The following GALNT13 variants were observed in gnomAD, a reference collection of about 807,000 sequenced individuals.
GALNT13 encodes the protein polypeptide N-acetylgalactosaminyltransferase 13, also known as UDP-GalNAc:polypeptide N-acetylgalactosaminyltransferase 13.
Under a neutral mutation model 64.2 loss-of-function variants are expected in GALNT13, and 28 were observed. That is an observed-to-expected ratio of 0.44 (90% CI 0.32 to 0.60). The LOEUF (loss-of-function observed/expected upper bound fraction) is 0.60, where lower values mean the gene tolerates loss of function less well. Among genes scored for constraint, GALNT13 ranks in the 20% least tolerant of loss-of-function variants. The probability of loss-of-function intolerance (pLI) is 0.05; values close to 1 mark genes in which losing one functional copy is unlikely to be tolerated. For synonymous variants in GALNT13, 214 were observed against 224.6 expected (o/e 0.95, Z 0.42); for missense variants, 577 against 669.8 (o/e 0.86, Z 1.53).
intron 9 of GALNT13, among the ~76,000 whole-genome samples, chr2:154,369,232 A>C (rs1697545166): frequency 6.6e-6 from 1 of 152,042 alleles, no homozygotes; most frequent in African/African-American, 2.4e-5. Context: ...ACTTTGGGAG[A>C]GGCAGCATGG....
At chr2:154,446,418 A>C in intron 12 of GALNT13, 1 of 708,054 alleles carries the variant, frequency 1.4e-6, no homozygotes, top group Non-Finnish European at 2.1e-6. Context: ...CCATCTAAAA[A>C]AATGTGGCTC....
intron 1 of GALNT13, among the ~76,000 whole-genome samples, chr2:153,874,796 C>T (rs1686244890): frequency 6.6e-6 from 1 of 152,032 alleles, no homozygotes; most frequent in Admixed American, 6.6e-5. Context: ...CTTTGTAGTT[C>T]ATGTTATTGC....
chr2:153,437,735 G>C, the GALNT13 span, among the ~76,000 whole-genome samples: 2 of 152,040 alleles, frequency 1.3e-5, no homozygotes, highest in Non-Finnish European at 2.9e-5. Context: ...CATGTGAGAT[G>C]GGTTTCCTGA....
the GALNT13 span, among the ~76,000 whole-genome samples, chr2:153,448,979 A>G: frequency 6.6e-6 from 1 of 152,052 alleles, no homozygotes; most frequent in Non-Finnish European, 1.5e-5. Context: ...GCGTGTGTGC[A>G]CTTTCTGTCT....
At chr2:153,228,869 CAAAAA>C in the GALNT13 span, among the ~76,000 whole-genome samples, 1 of 68,630 alleles carries the variant, frequency 1.5e-5, no homozygotes, top group African/African-American at 6.0e-5. Flanking sequence ...GAGACTGTCT[CAAAAA>C]AAAAAAAAAA....
intron 9 of GALNT13, among the ~76,000 whole-genome samples, chr2:154,360,852 G>A (rs1285712109): frequency 1.3e-5 from 2 of 152,054 alleles, no homozygotes; most frequent in Non-Finnish European, 2.9e-5. Context: ...GAGAAGGAAG[G>A]ATGAGATTAA....
At chr2:154,147,443 A>C (rs991756570) in intron 4 of GALNT13, among the ~76,000 whole-genome samples, 4 of 150,896 alleles carry the variant, frequency 2.7e-5, no homozygotes, top group African/African-American at 9.7e-5. Context: ...GTGCCATTGT[A>C]TCAAGGCATG....
chr2:153,179,435 T>C, the GALNT13 span, among the ~76,000 whole-genome samples: 2 of 152,176 alleles, frequency 1.3e-5, no homozygotes. Context: ...TCCAGTACCA[T>C]GCTATTTAAA....
chr2:153,213,208 T>G, the GALNT13 span, among the ~76,000 whole-genome samples: 1 of 152,204 alleles, frequency 6.6e-6, no homozygotes. Flanking sequence ...TTGGTTCAGT[T>G]TCCTTCCACC....
chr2:153,068,619 T>C, the GALNT13 span, among the ~76,000 whole-genome samples: 1 of 152,188 alleles, frequency 6.6e-6, no homozygotes, highest in Admixed American at 6.5e-5. Context: ...TACATGAATA[T>C]GAGAGTAAAA....
the GALNT13 span, among the ~76,000 whole-genome samples, chr2:153,113,256 T>C: frequency 4.6e-5 from 7 of 152,024 alleles, no homozygotes; most frequent in Admixed American, 3.9e-4. Context: ...TTCAGAATTC[T>C]TCTGTCCATC....
chr2:153,844,688 C>A, the GALNT13 span, among the ~76,000 whole-genome samples: 1 of 152,190 alleles, frequency 6.6e-6, no homozygotes. Context: ...TTTTCCAAAC[C>A]TTTCTCTCTG....
rs1440630508 is a variant in GALNT13 at position 154,298,852 on chromosome 2, TATATATAC to T, written c.976-2554_976-2547del. On this transcript the variant is annotated intron_variant, in intron 8 of 12. Transcript: ENST00000392825. ...CATTATATATAAATTATATATTATTTATATATACATTATATATACATTATATATTATTT... is the reference window on the plus strand; with the variant it reads ...CATTATATATAAATTATATATTATTTATTATATATACATTATATATTATTT... 1.4e-3 allele frequency among the ~76,000 whole-genome samples: 174 copies of T among 127,534 alleles called. 4 individuals carry two copies. The South Asian group carries it at 0.038, about 28-fold the overall frequency. 83.7% of individuals were successfully genotyped at this position (127,534 alleles called of 152,430 possible).
At chr2:154,446,754 T>C (rs1440085499) in intron 12 of GALNT13, 2 of 1,521,216 alleles carry the variant, frequency 1.3e-6, no homozygotes, top group Non-Finnish European at 8.8e-7. Context: ...CATTCTCTAA[T>C]GATTTTTGGA....
At chr2:153,978,810 C>T (rs569466577) in intron 3 of GALNT13, among the ~76,000 whole-genome samples, 287 of 152,224 alleles carry the variant, frequency 1.9e-3, no homozygotes, top group Non-Finnish European at 3.4e-3. Flanking sequence ...GTGGCTCACA[C>T]AGGCAGTCCC....
chr2:154,367,429 G>A (rs112781572), intron 9 of GALNT13, among the ~76,000 whole-genome samples: 12 of 152,280 alleles, frequency 7.9e-5, no homozygotes, highest in Admixed American at 2.0e-4. Context: ...GGTTATGTAC[G>A]TCCCTACCTG....
chr2:153,500,016 C>T, the GALNT13 span, among the ~76,000 whole-genome samples: 1 of 152,298 alleles, frequency 6.6e-6, no homozygotes, highest in South Asian at 2.1e-4. Flanking sequence ...TCCAGCCATG[C>T]CTCCCCCACT....
At chr2:154,176,237 T>C (rs1573812474) in intron 4 of GALNT13, among the ~76,000 whole-genome samples, 3 of 145,302 alleles carry the variant, frequency 2.1e-5, no homozygotes, top group East Asian at 4.0e-4. Context: ...GTAGAACATA[T>C]ATATTATTTA....
intron 3 of GALNT13, among the ~76,000 whole-genome samples, chr2:154,049,207 A>C (rs987323708): frequency 6.6e-6 from 1 of 151,940 alleles, no homozygotes; most frequent in African/African-American, 2.4e-5. Flanking sequence ...ACACTGATCA[A>C]TGTGGAATAG....
Sources: gnomAD v4.1 joint callset for allele counts (sites outside exome capture counted in the v4.1 genomes callset) on GRCh38, gnomAD v4.1.1 for gene constraint, MANE v1.5 for transcripts, NCBI Gene and HGNC (gene_info 2026-07-23, HGNC 2026-07-21) for gene names.